ZNF385C: variants seen among roughly 807,000 people sequenced by gnomAD.
ZNF385C encodes CTD-2132N18.2.
ZNF385C carries 28 observed loss-of-function variants against 35.4 expected under a neutral mutation model. The observed-to-expected ratio is 0.79, with a 90% CI of 0.59 to 1.08. The LOEUF (loss-of-function observed/expected upper bound fraction) is 1.08. Among genes scored for constraint, ZNF385C ranks in the 50% least tolerant of loss-of-function variants. ZNF385C has a pLI of 0.00. For missense variants in ZNF385C, 605 were observed against 595.6 expected (o/e 1.02, Z -0.16); for synonymous variants, 248 against 248.2 (o/e 1.00, Z 0.01).
chr17:42,061,313 T>G (rs2053459057), intron 2 of ZNF385C: 1 of 136,730 alleles, frequency 7.3e-6, no homozygotes, highest in Non-Finnish European at 1.5e-5. Flanking sequence ...CTCCACCTCC[T>G]GGGTTCAAGT....
chr17:42,028,687 G>A (rs1598177472), intron 6 of ZNF385C, 96 bp downstream of exon 6: 1 of 1,429,588 alleles, frequency 7.0e-7, no homozygotes, highest in Non-Finnish European at 9.3e-7. Flanking sequence ...TCCAACCCTT[G>A]AGCGAAGCAC....
At chr17:42,085,128 C>G (rs1220610687) in intron 1 of ZNF385C, among the ~76,000 whole-genome samples, 1 of 151,962 alleles carries the variant, frequency 6.6e-6, no homozygotes, top group Non-Finnish European at 1.5e-5. Flanking sequence ...GAAACCCCGT[C>G]TCTACTAAAA....
At chr17:42,069,379 A>T (rs1402329463) in intron 1 of ZNF385C, among the ~76,000 whole-genome samples, 3 of 152,138 alleles carry the variant, frequency 2.0e-5, no homozygotes, top group African/African-American at 7.2e-5. Flanking sequence ...GTCCTTGGCC[A>T]CCGTGAGGTG....
At position 42,027,702 on chromosome 17, in the gene ZNF385C, G is replaced by T. The variant is rs1555654428; in HGVS notation, c.1191C>A (p.Asp397Glu). The T allele has an allele frequency of 6.2e-7, 1 of 1,612,976 alleles. No individual in the cohort carries two copies. Reference protein sequence around the residue: ...KQHMSSRRHKDRLAGKTPKPS... With the variant: ...KQHMSSRRHKERLAGKTPKPS... ...GCTTGGGGGTCTTCCCGGCCAGGCG[G>T]TCTTTGTGCCTCCTGCTGCTCATGT... The change falls in exon 8 of 9, where the codon GAC becomes GAA. Residue 397 changes from aspartate to glutamate, a missense_variant. By Grantham distance (45) the Asp-to-Glu change is conservative (BLOSUM62 2). Transcript: ENST00000692273.
chr17:42,056,186 T>C (rs1441121038), intron 2 of ZNF385C, among the ~76,000 whole-genome samples: 1 of 152,238 alleles, frequency 6.6e-6, no homozygotes, highest in African/African-American at 2.4e-5. Context: ...ATGACTGGGT[T>C]CTTTCTACCA....
chr17:42,095,272 A>T lies in ZNF385C; in HGVS notation c.-3+3138T>A, dbSNP rs568875687. ...GCCACAGGGCACTTGACTACAGTCA[A>T]CACCAGCGTACCATTCATTCCCGCT... On this transcript the variant is annotated intron_variant, in intron 1 of 8. Transcript: ENST00000692273. This position sits in a 1 kb window ranked among gnomAD's most constrained non-coding sequence, Gnocchi z 4.4. Among the ~76,000 whole-genome samples, 183 of 152,308 alleles carry T rather than the reference A, an allele frequency of 1.2e-3. No individual in the cohort carries two copies. Among genetic ancestry groups the T allele is most frequent in the African/African-American group, 4.2e-3 (173 of 41,580 alleles).
In ZNF385C at chr17:42,095,787, G is replaced by T. The variant is rs2053911537; in HGVS notation, c.-3+2623C>A. Among the ~76,000 whole-genome samples, 1 of 152,142 alleles carries T rather than the reference G, an allele frequency of 6.6e-6. No individual in the cohort carries two copies. The highest frequency in any genetic ancestry group is 2.4e-5 in the African/African-American group (1 of 41,416). ...TTATAGGGGTGCTACTCTACTGGGG[G>T]ACAGGGAGAGTGGGGAAGGAATTAA... On this transcript the variant is annotated intron_variant, in intron 1 of 8. Transcript: ENST00000692273. The surrounding 1 kb of genome is among the most constrained non-coding windows in gnomAD (Gnocchi z 4.4).
intron 6 of ZNF385C, 156 bp downstream of exon 6, chr17:42,028,627 A>G (rs1405557972): frequency 2.1e-6 from 2 of 932,290 alleles, no homozygotes; most frequent in Non-Finnish European, 3.1e-6. Context: ...GAGTAATGGG[A>G]GGACCCAGAA....
chr17:42,080,616 C>T (rs1351734633), intron 1 of ZNF385C, among the ~76,000 whole-genome samples: 1 of 152,188 alleles, frequency 6.6e-6, no homozygotes, highest in Non-Finnish European at 1.5e-5. Flanking sequence ...GTGGGGTATC[C>T]ATGGTCCACC....
At chr17:42,089,342 A>AAT (rs1555660321) in intron 1 of ZNF385C, among the ~76,000 whole-genome samples, 1 of 151,846 alleles carries the variant, frequency 6.6e-6, no homozygotes, top group East Asian at 1.9e-4. Flanking sequence ...TAAATAAATA[A>AAT]AAATAAAGGC....
chr17:42,061,207 A>ATTTTTTTTTTTTTTTTTGTTT (rs2053455447), intron 2 of ZNF385C: 1 of 57,454 alleles, frequency 1.7e-5, no homozygotes, highest in Non-Finnish European at 3.0e-5. Context: ...TAATGAGTTA[A>ATTTTTTTTTTTTTTTTTGTTT]TTTTTTTTTT....
At chr17:42,047,395 G>A (rs1186073567) in intron 2 of ZNF385C, among the ~76,000 whole-genome samples, 12 of 151,712 alleles carry the variant, frequency 7.9e-5, no homozygotes, top group Non-Finnish European at 1.6e-4. Flanking sequence ...GGCTGATCTC[G>A]AACTCCCGAC....
chr17:42,077,978 G>A (rs904479580), intron 1 of ZNF385C, among the ~76,000 whole-genome samples: 10 of 152,148 alleles, frequency 6.6e-5, no homozygotes, highest in Admixed American at 5.9e-4. Context: ...CCTGCCCCAA[G>A]GAGGACGGCA....
chr17:42,040,102 A>G (rs980922457), intron 2 of ZNF385C: 24 of 1,231,194 alleles, frequency 1.9e-5, no homozygotes, highest in Non-Finnish European at 2.4e-5. Flanking sequence ...GCCGCGCAGC[A>G]GCACCCGCAG....
chr17:42,096,431 G>A (rs1313266355), intron 1 of ZNF385C, among the ~76,000 whole-genome samples: 1 of 152,174 alleles, frequency 6.6e-6, no homozygotes, highest in Non-Finnish European at 1.5e-5. Flanking sequence ...CAGCAGGAGG[G>A]CCAGAGTGGA....
rs568472772 is a variant in ZNF385C, at chr17:42,063,831, G to A, written c.-2-773C>T. 4.0e-4 allele frequency among the ~76,000 whole-genome samples: 61 copies of A among 152,296 alleles called. 1 individual carries two copies. The highest frequency in any genetic ancestry group is 1.3e-3 in the African/African-American group (56 of 41,560). On this transcript the variant is annotated intron_variant, in intron 1 of 8. Coordinates refer to ENST00000692273, the MANE Select transcript of ZNF385C (RefSeq NM_001392013.1). ...GGCGCTTACTGGAGACGCAGCAGCC[G>A]CCAGCCAAAAACACAACCTTCCTGT... is the stretch of plus-strand genomic sequence containing the variant.
chr17:42,032,216 A>T (rs1190863223), intron 4 of ZNF385C, among the ~76,000 whole-genome samples: 1 of 152,080 alleles, frequency 6.6e-6, no homozygotes, highest in Non-Finnish European at 1.5e-5. Context: ...GCCCGCCACC[A>T]CACCCGGCTA....
intron 1 of ZNF385C, among the ~76,000 whole-genome samples, chr17:42,093,032 C>T (rs1247403520): frequency 6.6e-6 from 1 of 152,176 alleles, no homozygotes; most frequent in Non-Finnish European, 1.5e-5. Flanking sequence ...AGTCCTTGCC[C>T]CACCCAAGGA....
intron 1 of ZNF385C, among the ~76,000 whole-genome samples, chr17:42,086,346 C>G (rs1230959226): frequency 2.0e-5 from 3 of 152,036 alleles, no homozygotes; most frequent in African/African-American, 7.2e-5. Context: ...GAGCTGAGAT[C>G]GCTTCGGCCT....
Sources: allele counts gnomAD v4.1 joint callset (sites outside exome capture counted in the v4.1 genomes callset), GRCh38; gene constraint gnomAD v4.1.1; non-coding constraint Gnocchi (gnomAD v3.1); transcripts MANE v1.5; gene names NCBI Gene and HGNC (gene_info 2026-07-23, HGNC 2026-07-21).